The following ELANE variants were observed in gnomAD, a reference collection of about 807,000 sequenced individuals.
ELANE encodes elastase, neutrophil expressed.
Under a neutral mutation model 20.6 loss-of-function variants are expected in ELANE, and 12 were observed. That is an observed-to-expected ratio of 0.58 (90% CI 0.37 to 0.94). ELANE has a LOEUF of 0.94. Among genes scored for constraint, ELANE ranks in the 40% least tolerant of loss-of-function variants. The probability of loss-of-function intolerance (pLI) is 0.01; values close to 1 mark genes in which losing one functional copy is unlikely to be tolerated. For missense variants in ELANE, 388 were observed against 395.2 expected (o/e 0.98, Z 0.15); for synonymous variants, 203 against 177.4 (o/e 1.14, Z -1.15).
intron 1 of ELANE, among the ~76,000 whole-genome samples, chr19:852,660 C>G (rs1426383477): frequency 6.6e-6 from 1 of 151,732 alleles, no homozygotes; most frequent in African/African-American, 2.4e-5. Context: ...TGGAGGGGCA[C>G]CGTGGGGAGG....
rs762273987 is a variant in ELANE, at chr19:856,146, G to A, written c.786G>A (p.Pro262=). ...GTCCCCACCCCCGGGACCCGGACCC[G>A]GCCAGCAGGACCCACTGAGAAGGGC... The part of the protein sequence containing the change: ...NPCPHPRDPD[P]ASRTH The change falls in exon 5 of 5, where the codon CCG becomes CCA. Residue 262 remains proline (P), a synonymous_variant. Transcript: ENST00000263621. 12 of 1,612,724 alleles carry A rather than the reference G, an allele frequency of 7.4e-6. No individual in the cohort carries two copies. The highest frequency in any genetic ancestry group is 4.5e-5 in the East Asian group (2 of 44,896).
Position 855,831 on chromosome 19 carries a change from TC to T in ELANE, c.597+40del, listed in dbSNP as rs2035671152. On this transcript the variant is annotated intron_variant, in intron 4 of 4. Transcript: ENST00000263621. The surrounding 1 kb of genome is among the most constrained non-coding windows in gnomAD (Gnocchi z 6.2). ...GGGTGTCCCTCTGCTCCCCACCCGCTCCCAGCCCGGACTGCAGCAACAGGCA... is the reference window on the plus strand; with the variant it reads ...GGGTGTCCCTCTGCTCCCCACCCGCTCCAGCCCGGACTGCAGCAACAGGCA... 3 of 1,605,816 alleles carry T rather than the reference TC, an allele frequency of 1.9e-6. No individual in the cohort carries two copies. The highest frequency in any genetic ancestry group is 2.5e-6 in the Non-Finnish European group (3 of 1,178,902).
intron 3 of ELANE, 25 bp downstream of exon 3, chr19:853,428 G>T (rs745676058): frequency 3.2e-6 from 5 of 1,575,400 alleles, no homozygotes; most frequent in African/African-American, 2.7e-5. Flanking sequence ...GGCGGGGGGC[G>T]CAGGGGCGGA....
At chr19:854,524 C>G (rs945181584) in intron 3 of ELANE, among the ~76,000 whole-genome samples, 1 of 151,124 alleles carries the variant, frequency 6.6e-6, no homozygotes, top group Non-Finnish European at 1.5e-5. Flanking sequence ...TGCAGTGGCG[C>G]GATCGCAGCT....
intron 3 of ELANE, 142 bp downstream of exon 3, chr19:853,545 C>T (rs1303723633): frequency 2.1e-6 from 2 of 971,506 alleles, no homozygotes; most frequent in African/African-American, 1.7e-5. Flanking sequence ...CTCCGCGCCT[C>T]GGTCTGCACC....
rs1207452803 is a variant in ELANE, at chr19:852,592, GGA to G, written c.67+199_67+200del. ...CCCAGAGTTGGGGTTTGAAAACCGG[GGA>G]GGGGGGGGGGGTCGCAGGTCGCCCT... On this transcript the variant is annotated intron_variant, in intron 1 of 4. Transcript: ENST00000263621. Among the ~76,000 whole-genome samples the G allele has an allele frequency of 8.7e-4, 120 of 137,168 alleles. 4 individuals carry two copies. Among genetic ancestry groups the G allele is most frequent in the African/African-American group, 3.1e-3 (108 of 34,762 alleles). 90.0% of individuals were successfully genotyped at this position (137,168 alleles called of 152,430 possible). A position where few individuals can be genotyped will look rare whatever the true frequency, so the allele number is the denominator to read the frequency against.
chr19:854,778 TTTA>T (rs1035938527), intron 3 of ELANE, among the ~76,000 whole-genome samples: 9 of 146,494 alleles, frequency 6.1e-5, no homozygotes, highest in East Asian at 3.9e-4. Flanking sequence ...AATTATAATA[TTTA>T]TTATTTTATA....
In ELANE at chr19:855,660, G is replaced by T; in HGVS notation, c.463G>T (p.Gly155Cys). 6.2e-7 allele frequency: 1 copy of T among 1,607,982 alleles called. No individual in the cohort carries two copies. ...CAACGGGGTGCAGTGCCTGGCCATG[G>T]GCTGGGGCCTTCTGGGCAGGAACCG... ...LGNGVQCLAM[G>C]WGLLGRNRGI... The change falls in exon 4 of 5, where the codon GGC (glycine) becomes TGC (cysteine). Residue 155 changes from glycine to cysteine, a missense_variant. Transcript: ENST00000263621. The surrounding 1 kb of genome is among the most constrained non-coding windows in gnomAD (Gnocchi z 6.2).
In ELANE at chr19:855,054, C is replaced by A. The variant is rs1043997652; in HGVS notation, c.367-510C>A. The stretch of plus-strand genomic sequence containing the variant: ...ATTGTTAGTAGAGACGGGGTTTAAC[C>A]ATGTTAGCCAGGATGGTCTTGATCT... On this transcript the variant is annotated intron_variant, in intron 3 of 4. Coordinates refer to ENST00000263621, the MANE Select transcript of ELANE (RefSeq NM_001972.4). The surrounding 1 kb of genome is among the most constrained non-coding windows in gnomAD (Gnocchi z 6.2). Among the ~76,000 whole-genome samples the A allele has an allele frequency of 6.6e-6, 1 of 151,910 alleles. No individual in the cohort carries two copies. Among genetic ancestry groups the A allele is most frequent in the Non-Finnish European group, 1.5e-5 (1 of 67,990 alleles).
chr19:855,592 A>G lies in ELANE; in HGVS notation c.395A>G (p.Asn132Ser). Residue 132 changes from asparagine (N) to serine (S), a missense_variant, in exon 4 of 5, where the codon AAC (asparagine) becomes AGC (serine). By Grantham distance (46) the Asn-to-Ser change is conservative. Coordinates refer to ENST00000263621, the MANE Select transcript of ELANE (RefSeq NM_001972.4). The surrounding 1 kb of genome is among the most constrained non-coding windows in gnomAD (Gnocchi z 6.2). ...QLNGSATINA[N>S]VQVAQLPAQG... ...AACGGGTCGGCCACCATCAACGCCAACGTGCAGGTGGCCCAGCTGCCGGCT... is the reference window on the plus strand; with the variant it reads ...AACGGGTCGGCCACCATCAACGCCAGCGTGCAGGTGGCCCAGCTGCCGGCT... 3 of 1,600,668 alleles carry G rather than the reference A, an allele frequency of 1.9e-6. No homozygotes were observed. Among genetic ancestry groups the G allele is most frequent in the Non-Finnish European group, 2.5e-6 (3 of 1,179,802 alleles).
Position 855,783 on chromosome 19 carries a change from G to A in ELANE, c.586G>A (p.Gly196Ser), listed in dbSNP as rs747108397. 8.7e-6 allele frequency: 14 copies of A among 1,608,652 alleles called. No individual in the cohort carries two copies. Among genetic ancestry groups the A allele is most frequent in the Non-Finnish European group, 1.1e-5 (13 of 1,179,942 alleles). ...VCTLVRGRQA[G>S]VCFGDSGSPL... ...CACTCTCGTGAGGGGCCGGCAGGCC[G>A]GCGTCTGTTTCGTACGTGCCCTGGG... The change falls in exon 4 of 5, where the codon GGC becomes AGC. Residue 196 changes from glycine to serine, a missense_variant. By Grantham distance (56) the Gly-to-Ser change is moderately conservative. Around this residue, in one of 3 missense-constraint regions of ELANE, gnomAD observed 321 missense variants for 309.8 expected, o/e 1.04. Coordinates refer to ENST00000263621, the MANE Select transcript of ELANE (RefSeq NM_001972.4). The surrounding 1 kb of genome is among the most constrained non-coding windows in gnomAD (Gnocchi z 6.2).
chr19:853,436 G>A (rs748831773), intron 3 of ELANE, 33 bp downstream of exon 3: 9 of 1,562,670 alleles, frequency 5.8e-6, no homozygotes, highest in East Asian at 2.4e-5. Context: ...GCGCAGGGGC[G>A]GAGGCCAGAG....
In ELANE at chr19:855,243, G is replaced by A. The variant is rs1384562770; in HGVS notation, c.367-321G>A. Among the ~76,000 whole-genome samples, 2 of 151,942 alleles carry A rather than the reference G, an allele frequency of 1.3e-5. No homozygotes were observed. The highest frequency in any genetic ancestry group is 2.1e-4 in the South Asian group (1 of 4,816). On this transcript the variant is annotated intron_variant, in intron 3 of 4. Coordinates refer to ENST00000263621, the MANE Select transcript of ELANE (RefSeq NM_001972.4). The surrounding 1 kb of genome is among the most constrained non-coding windows in gnomAD (Gnocchi z 6.2). ...TGGCCTCAAGTGATCCTCCTGCCTC[G>A]CCCTCCCAAAGTGCTGGGCTTACAA...
chr19:855,423 C>A lies in ELANE; in HGVS notation c.367-141C>A. The A allele has an allele frequency of 2.2e-6, 2 of 929,994 alleles. No individual in the cohort carries two copies. The highest frequency in any genetic ancestry group is 3.4e-6 in the Non-Finnish European group (2 of 596,166). The allele number at this position is 929,994 out of a possible 1,614,324, so 57.6% of individuals were successfully genotyped here. ...GGAAACCGAGGCTTGCCTTGGGGAG[C>A]AGAGTGTGGGGTGGGTATCCTGCCC... is the stretch of plus-strand genomic sequence containing the variant. On this transcript the variant is annotated intron_variant, in intron 3 of 4. Transcript: ENST00000263621. This position sits in a 1 kb window ranked among gnomAD's most constrained non-coding sequence, Gnocchi z 6.2.
At position 855,495 on chromosome 19, in the gene ELANE, G is replaced by T; in HGVS notation, c.367-69G>T. The T allele has an allele frequency of 1.3e-6, 2 of 1,514,228 alleles. No individual in the cohort carries two copies. The highest frequency in any genetic ancestry group is 2.4e-5 in the East Asian group (1 of 42,106). The allele number at this position is 1,514,228 out of a possible 1,614,324, so 93.8% of individuals were successfully genotyped here. A position where few individuals can be genotyped will look rare whatever the true frequency, so the allele number is the denominator to read the frequency against. On this transcript the variant is annotated intron_variant, in intron 3 of 4. Coordinates refer to ENST00000263621, the MANE Select transcript of ELANE (RefSeq NM_001972.4). This position sits in a 1 kb window ranked among gnomAD's most constrained non-coding sequence, Gnocchi z 6.2. ...TGGAACCTGAGATGGGGAAACTGAG[G>T]CCCGGAGAGGGGAGGGTCATCATCA...
Position 856,202 on chromosome 19 carries a change from C to A in ELANE, c.*38C>A. 6.3e-7 allele frequency: 1 copy of A among 1,599,244 alleles called. No homozygotes were observed. Among genetic ancestry groups the A allele is most frequent in the Non-Finnish European group, 8.6e-7 (1 of 1,167,922 alleles). On this transcript the variant is annotated 3_prime_UTR_variant, in exon 5 of 5. Transcript: ENST00000263621. ...GGGTCACCTCAGCTGCCCACACCCA[C>A]ACTCTCCAGCATCTGGCACAATAAA...
At chr19:853,546 G>A (rs1294402502) in intron 3 of ELANE, 143 bp downstream of exon 3, 2 of 973,754 alleles carry the variant, frequency 2.1e-6, no homozygotes, top group Middle Eastern at 3.2e-4. Flanking sequence ...TCCGCGCCTC[G>A]GTCTGCACCT....
In ELANE at chr19:852,901, G is replaced by C; in HGVS notation, c.93G>C (p.Val31=). 6.3e-7 allele frequency: 1 copy of C among 1,596,558 alleles called. No individual in the cohort carries two copies. The part of the protein sequence containing the change: ...LGGTALASEI[V]GGRRARPHAW... ...GCACCGCGCTGGCCTCGGAGATTGT[G>C]GGGGGCCGGCGAGCGCGGCCCCACG... Residue 31 remains valine (V), a synonymous_variant, in exon 2 of 5, where the codon GTG becomes GTC. Coordinates refer to ENST00000263621, the MANE Select transcript of ELANE (RefSeq NM_001972.4).
At chr19:854,270 C>G (rs895399846) in intron 3 of ELANE, among the ~76,000 whole-genome samples, 4 of 151,642 alleles carry the variant, frequency 2.6e-5, no homozygotes, top group Non-Finnish European at 4.4e-5. Flanking sequence ...AGTGAAACCC[C>G]GTCTCTACTA....
Sources: gnomAD v4.1 joint callset for allele counts (sites outside exome capture counted in the v4.1 genomes callset) on GRCh38, gnomAD v4.1.1 for gene constraint, gnomAD v4.1.1 regional missense constraint, Gnocchi (gnomAD v3.1) non-coding constraint, MANE v1.5 for transcripts, NCBI Gene and HGNC (gene_info 2026-07-23, HGNC 2026-07-21) for gene names.